Variants in TRERF1 observed in about 807,000 individuals in gnomAD.
TRERF1 encodes the protein transcriptional regulating factor 1, also known as transcriptional-regulating factor 1.
TRERF1 carries 27 observed loss-of-function variants against 122.9 expected under a neutral mutation model. The observed-to-expected ratio is 0.22, with a 90% CI of 0.16 to 0.30. The LOEUF (loss-of-function observed/expected upper bound fraction) is 0.30. TRERF1 is among the 10% of genes least tolerant of loss of function. The probability of loss-of-function intolerance (pLI) is 1.00; values close to 1 mark genes in which losing one functional copy is unlikely to be tolerated. For missense variants in TRERF1, 1,248 were observed against 1,560.3 expected (o/e 0.80, Z 3.37); for synonymous variants, 636 against 641.7 (o/e 0.99, Z 0.13).
In TRERF1 at chr6:42,232,896, G is replaced by A. The variant is rs367573675; in HGVS notation, c.3067-4C>T. Reference sequence around the variant, plus strand: ...GTGCCTGTCGGGAGCTGAACACCTGGGGAAGAAAGGGAGTGACATGACATC... The same window carrying A: ...GTGCCTGTCGGGAGCTGAACACCTGAGGAAGAAAGGGAGTGACATGACATC... On this transcript the variant is annotated splice_region_variant and splice_polypyrimidine_tract_variant and intron_variant, in intron 16 of 17. Coordinates refer to ENST00000372922, the Ensembl canonical transcript of TRERF1. This position sits in a 1 kb window ranked among gnomAD's most constrained non-coding sequence, Gnocchi z 4.5. The A allele has an allele frequency of 5.7e-6, 9 of 1,588,954 alleles. No homozygotes were observed. The African/African-American group carries it at 9.4e-5, about 17-fold the overall frequency.
Position 42,275,530 on chromosome 6 carries a change from G to A in TRERF1, c.-258-5682C>T, listed in dbSNP as rs1279335253. On this transcript the variant is annotated intron_variant, in intron 4 of 17. Coordinates refer to ENST00000372922, the Ensembl canonical transcript of TRERF1. This position sits in a 1 kb window ranked among gnomAD's most constrained non-coding sequence, Gnocchi z 4.1. ...TCTGCACACTGGCTGCCCAGTCACT[G>A]TGATGTAGGGACAGCAGCCTGCCCA... 6.6e-6 allele frequency among the ~76,000 whole-genome samples: 1 copy of A among 152,262 alleles called. No homozygotes were observed. The highest frequency in any genetic ancestry group is 1.5e-5 in the Non-Finnish European group (1 of 68,052).
chr6:42,233,057 A>G, intron 16 of TRERF1, 129 bp from the exon 17 acceptor site: 1 of 967,676 alleles, frequency 1.0e-6, no homozygotes, highest in Non-Finnish European at 1.5e-6. Flanking sequence ...TAAAGATCAA[A>G]TACCACAACC....
intron 2 of TRERF1, among the ~76,000 whole-genome samples, chr6:42,425,825 G>C (rs1783563404): frequency 6.8e-6 from 1 of 147,658 alleles, no homozygotes; most frequent in Non-Finnish European, 1.5e-5. Flanking sequence ...TTACAGGCGT[G>C]AGCCAGTGCC....
chr6:42,324,051 CAT>C (rs1763894330), intron 3 of TRERF1, among the ~76,000 whole-genome samples: 1 of 152,172 alleles, frequency 6.6e-6, no homozygotes, highest in Non-Finnish European at 1.5e-5. Context: ...AAGGTAGAGA[CAT>C]AAAGTGGGAG....
chr6:42,332,840 T>TGAGGAGGGTCTTCTACG (rs563906402), intron 3 of TRERF1, among the ~76,000 whole-genome samples: 4 of 152,170 alleles, frequency 2.6e-5, no homozygotes, highest in African/African-American at 4.8e-5. Flanking sequence ...CAGCTGGGTA[T>TGAGGAGGGTCTTCTACG]GAGGAGGGTC....
Position 42,413,245 on chromosome 6 carries a change from C to T in TRERF1, c.-454+37932G>A, listed in dbSNP as rs926541860. ...TCATCTTTTTAACAGTTGGTGTATT[C>T]GTTCAATACTGGATACTTGGGTACT... On this transcript the variant is annotated intron_variant, in intron 2 of 17. Transcript: ENST00000372922. 5.9e-5 allele frequency among the ~76,000 whole-genome samples: 9 copies of T among 152,012 alleles called. No homozygotes were observed. The South Asian group carries it at 6.2e-4, about 11-fold the overall frequency.
At chr6:42,230,359 C>CAA (rs34587398) in intron 17 of TRERF1, among the ~76,000 whole-genome samples, 24 of 140,160 alleles carry the variant, frequency 1.7e-4, no homozygotes, top group African/African-American at 3.4e-4. Context: ...CGTAAGACTC[C>CAA]AAAAAAAAAA....
chr6:42,285,177 C>A (rs1183320180), intron 4 of TRERF1, among the ~76,000 whole-genome samples: 2 of 152,122 alleles, frequency 1.3e-5, no homozygotes, highest in Non-Finnish European at 2.9e-5. Flanking sequence ...GTTTGTAGTT[C>A]TCCTTGAAGA....
rs73733131 is a variant in TRERF1 at position 42,261,079 on chromosome 6, C to G, written c.1885-1356G>C. Among the ~76,000 whole-genome samples the G allele has an allele frequency of 2.7e-3, 418 of 152,082 alleles. 6 individuals carry two copies. Among genetic ancestry groups the G allele is most frequent in the African/African-American group, 9.4e-3 (391 of 41,494 alleles). On this transcript the variant is annotated intron_variant, in intron 8 of 17. Coordinates refer to ENST00000372922, the Ensembl canonical transcript of TRERF1. ...CCCCAGGGGACCCTCCTTAGGCCAG[C>G]GCGCTCAACCGCCTCTTTTCTCCAC...
Position 42,232,998 on chromosome 6 carries a change from G to A in TRERF1, c.3067-106C>T. On this transcript the variant is annotated intron_variant, in intron 16 of 17. Coordinates refer to ENST00000372922, the Ensembl canonical transcript of TRERF1. This position sits in a 1 kb window ranked among gnomAD's most constrained non-coding sequence, Gnocchi z 4.5. ...GAATACTTGAAACTGTCTAATGACA[G>A]GGCACAAGGGTTTTATATAAGCAAA... 1.4e-6 allele frequency: 2 copies of A among 1,431,454 alleles called. No individual in the cohort carries two copies. The highest frequency in any genetic ancestry group is 2.5e-5 in the East Asian group (1 of 39,618). The allele number at this position is 1,431,454 out of a possible 1,614,324, so 88.7% of individuals were successfully genotyped here. A position where few individuals can be genotyped will look rare whatever the true frequency, so the allele number is the denominator to read the frequency against.
At chr6:42,265,045 CT>C (rs1310268617) in intron 6 of TRERF1, among the ~76,000 whole-genome samples, 191 bp from the exon 7 acceptor site, 1 of 152,222 alleles carries the variant, frequency 6.6e-6, no homozygotes, top group Non-Finnish European at 1.5e-5. Flanking sequence ...AAAACTGAGG[CT>C]CCAGAGTGGG....
At position 42,434,882 on chromosome 6, in the gene TRERF1, C is replaced by T. The variant is rs565895128; in HGVS notation, c.-454+16295G>A. 5.6e-3 allele frequency among the ~76,000 whole-genome samples: 847 copies of T among 152,236 alleles called. 5 individuals are homozygous for T. Among genetic ancestry groups the T allele is most frequent in the African/African-American group, 0.019 (806 of 41,528 alleles). ...GTGGCTCATGCTTGTAATCCCAGCA[C>T]TTTGGGAGGCCAAGGCGGGCGGATC... On this transcript the variant is annotated intron_variant, in intron 2 of 17. Coordinates refer to ENST00000372922, the Ensembl canonical transcript of TRERF1.
chr6:42,384,467 T>G (rs1776458529), intron 2 of TRERF1, among the ~76,000 whole-genome samples: 1 of 152,252 alleles, frequency 6.6e-6, no homozygotes. Context: ...ATGCATAGAT[T>G]ATCTTTGAAA....
intron 4 of TRERF1, among the ~76,000 whole-genome samples, chr6:42,287,071 T>A (rs1783373571): frequency 6.8e-6 from 1 of 146,976 alleles, no homozygotes; most frequent in Non-Finnish European, 1.5e-5. Flanking sequence ...ATATTCTCAC[T>A]CATAGGTGGG....
intron 4 of TRERF1, among the ~76,000 whole-genome samples, chr6:42,284,151 T>C (rs1039383952): frequency 2.0e-5 from 3 of 152,226 alleles, no homozygotes; most frequent in Non-Finnish European, 4.4e-5. Flanking sequence ...TAGAGAATCC[T>C]GGTAAAGGAA....
At chr6:42,265,495 C>T (rs564637863) in intron 6 of TRERF1, among the ~76,000 whole-genome samples, 1 of 152,318 alleles carries the variant, frequency 6.6e-6, no homozygotes, top group Non-Finnish European at 1.5e-5. Context: ...TGTAAAGTAA[C>T]AATCATAATA....
intron 4 of TRERF1, among the ~76,000 whole-genome samples, chr6:42,283,102 C>G (rs935326898): frequency 6.6e-6 from 1 of 152,078 alleles, no homozygotes; most frequent in African/African-American, 2.4e-5. Flanking sequence ...CACTTGGAGG[C>G]CATTTCAAAC....
chr6:42,289,769 C>A (rs1783982793), intron 4 of TRERF1, among the ~76,000 whole-genome samples: 1 of 152,090 alleles, frequency 6.6e-6, no homozygotes, highest in African/African-American at 2.4e-5. Context: ...GTTTGCTGAC[C>A]CCCAGTGCAG....
intron 2 of TRERF1, among the ~76,000 whole-genome samples, chr6:42,388,538 T>C (rs116165106): frequency 6.1e-4 from 93 of 152,070 alleles, no homozygotes; most frequent in African/African-American, 2.2e-3. Context: ...TCTCTGTACA[T>C]TCCCCCAAGT....
Sources: allele counts gnomAD v4.1 joint callset (sites outside exome capture counted in the v4.1 genomes callset), GRCh38; gene constraint gnomAD v4.1.1; non-coding constraint Gnocchi (gnomAD v3.1); transcripts MANE v1.5; gene names NCBI Gene and HGNC (gene_info 2026-07-23, HGNC 2026-07-21).